Variants in PNPT1 observed in about 807,000 individuals in gnomAD.
PNPT1 encodes polyribonucleotide nucleotidyltransferase 1, also known as polyribonucleotide nucleotidyltransferase 1, mitochondrial.
A neutral mutation model predicts 119.5 loss-of-function variants in PNPT1; 53 were observed. The observed-to-expected ratio is 0.44, with a 90% CI of 0.36 to 0.56. PNPT1 has a LOEUF of 0.56. PNPT1 is among the 20% of genes least tolerant of loss of function. The pLI is 0.00. For synonymous variants in PNPT1, 357 were observed against 322.1 expected, an observed-to-expected ratio of 1.11 and a Z score of -1.16; for missense variants, 948 against 938.5, an observed-to-expected ratio of 1.01 and a Z score of -0.13.
intron 23 of PNPT1, among the ~76,000 whole-genome samples, chr2:55,644,194 A>G (rs17737937): frequency 0.084 from 12,827 of 152,276 alleles, 649 homozygotes; most frequent in South Asian, 0.14. Flanking sequence ...ACTCTCTTGC[A>G]GTAACCTCAA....
chr2:55,655,258 AT>A (rs1696349946), intron 17 of PNPT1, among the ~76,000 whole-genome samples: 1 of 152,114 alleles, frequency 6.6e-6, no homozygotes, highest in Non-Finnish European at 1.5e-5. Context: ...TTTTACTATT[AT>A]TTTTTGAGAT....
chr2:55,641,930 C>A (rs1695845841), intron 25 of PNPT1, among the ~76,000 whole-genome samples: 2 of 151,950 alleles, frequency 1.3e-5, no homozygotes, highest in South Asian at 4.1e-4. Flanking sequence ...CAACCTCTGC[C>A]TCCCGGCTTC....
chr2:55,659,572 C>A lies in PNPT1; in HGVS notation c.1284+585G>T, dbSNP rs925594882. On this transcript the variant is annotated intron_variant, in intron 15 of 27. Transcript: ENST00000447944. Reference sequence around the variant, plus strand: ...ATTGTCTGCTATACTTTAACTTTTACGTATGACTTAGAACAGGAAGTTGTT... The same window carrying A: ...ATTGTCTGCTATACTTTAACTTTTAAGTATGACTTAGAACAGGAAGTTGTT... 2.6e-5 allele frequency among the ~76,000 whole-genome samples: 4 copies of A among 151,600 alleles called. No homozygotes were observed. The South Asian group carries it at 8.3e-4, about 32-fold the overall frequency.
At chr2:55,693,122 C>T (rs1036620710) in intron 1 of PNPT1, among the ~76,000 whole-genome samples, 1 of 152,164 alleles carries the variant, frequency 6.6e-6, no homozygotes, top group African/African-American at 2.4e-5. Flanking sequence ...AATATTTCCA[C>T]AATGTCTGTG....
At chr2:55,643,058 G>C (rs1695882354) in intron 25 of PNPT1, 100 bp downstream of exon 25, 7 of 1,265,192 alleles carry the variant, frequency 5.5e-6, no homozygotes, top group East Asian at 2.4e-5. Context: ...AGGCAGCTGT[G>C]AGGTACAATG....
intron 8 of PNPT1, among the ~76,000 whole-genome samples, chr2:55,678,067 G>A (rs563225682): frequency 3.4e-4 from 52 of 152,246 alleles, no homozygotes; most frequent in Middle Eastern, 3.4e-3. Context: ...GATAATAGCA[G>A]GTATTAACTG....
At chr2:55,671,663 G>A (rs1458109799) in intron 10 of PNPT1, among the ~76,000 whole-genome samples, 1 of 152,120 alleles carries the variant, frequency 6.6e-6, no homozygotes, top group Non-Finnish European at 1.5e-5. Context: ...CAACATGGCC[G>A]TCTCTACTAA....
chr2:55,668,031 C>CA, intron 11 of PNPT1, 73 bp from the exon 12 acceptor site: 1 of 1,299,726 alleles, frequency 7.7e-7, no homozygotes, highest in Non-Finnish European at 1.1e-6. Context: ...AAGTTCATAG[C>CA]ATAATATCAA....
At position 55,635,659 on chromosome 2, in the gene PNPT1, C is replaced by G. The variant is rs1695648290; in HGVS notation, c.*578G>C. The G allele has an allele frequency of 7.2e-6, 1 of 138,052 alleles. No individual in the cohort carries two copies. The highest frequency in any genetic ancestry group is 2.6e-5 in the African/African-American group (1 of 38,296). The allele number at this position is 138,052 out of a possible 1,614,324, so 8.6% of individuals were successfully genotyped here. A position where few individuals can be genotyped will look rare whatever the true frequency, so the allele number is the denominator to read the frequency against. On this transcript the variant is annotated 3_prime_UTR_variant, in exon 28 of 28. Coordinates refer to ENST00000447944, the MANE Select transcript of PNPT1 (RefSeq NM_033109.5). ...GAATCTCATTTATATTTATTCCACT[C>G]TGTTTATGATTTGGTAACTAATTTG...
chr2:55,662,053 C>T, intron 13 of PNPT1, 27 bp from the exon 14 acceptor site: 1 of 1,503,422 alleles, frequency 6.7e-7, no homozygotes. Context: ...ATTCCTCAGG[C>T]TTTAATATAC....
chr2:55,676,926 A>G (rs17744287), intron 8 of PNPT1, among the ~76,000 whole-genome samples: 6,606 of 152,198 alleles, frequency 0.043, 184 homozygotes, highest in South Asian at 0.082. Context: ...AATAGTAGCA[A>G]TTACTTTTTT....
chr2:55,672,930 AT>A lies in PNPT1; in HGVS notation c.828del (p.Leu276PhefsTer9), dbSNP rs1559105059. On this transcript the variant is annotated frameshift_variant, in exon 9 of 28. Transcript: ENST00000447944. LOFTEE classifies it high-confidence loss of function. The part of the protein sequence containing the change: ...TGVTKRTPQK[L>X]FTPSPEIVKY... ...TTCACAATCTCTGGCGAAGGGGTAA[AT>A]AACTTCTGAGGTGTCCTCTTGGTAA... is the stretch of plus-strand genomic sequence containing the variant. 1 of 1,609,592 alleles carries A rather than the reference AT, an allele frequency of 6.2e-7. No homozygotes were observed. Among genetic ancestry groups the A allele is most frequent in the Admixed American group, 1.7e-5 (1 of 58,652 alleles).
intron 7 of PNPT1, 71 bp from the exon 8 acceptor site, chr2:55,679,866 G>C: frequency 9.9e-7 from 1 of 1,012,954 alleles, no homozygotes; most frequent in Non-Finnish European, 1.5e-6. Context: ...TTCCAGTCAT[G>C]GCTTCAACCC....
intron 26 of PNPT1, among the ~76,000 whole-genome samples, chr2:55,637,887 C>T (rs1229015078): frequency 2.0e-5 from 3 of 151,304 alleles, no homozygotes; most frequent in Non-Finnish European, 4.4e-5. Flanking sequence ...GTAGTCCCAG[C>T]TACTCAGGAG....
intron 21 of PNPT1, 67 bp downstream of exon 21, chr2:55,646,192 A>G: frequency 7.1e-7 from 1 of 1,409,172 alleles, no homozygotes; most frequent in Non-Finnish European, 9.8e-7. Flanking sequence ...AATAAGCCTA[A>G]TGAGAACTAT....
At chr2:55,656,830 A>C (rs910723640) in intron 15 of PNPT1, among the ~76,000 whole-genome samples, 1 of 152,228 alleles carries the variant, frequency 6.6e-6, no homozygotes, top group African/African-American at 2.4e-5. Context: ...GATATGAAAC[A>C]AAATACATGA....
At chr2:55,681,844 C>A (rs866114315) in intron 5 of PNPT1, among the ~76,000 whole-genome samples, 123 of 129,858 alleles carry the variant, frequency 9.5e-4, no homozygotes, top group South Asian at 1.5e-3. Flanking sequence ...AACTCCATTT[C>A]AAAAAAAAAA....
At chr2:55,641,008 G>C (rs1251932878) in intron 25 of PNPT1, among the ~76,000 whole-genome samples, 1 of 151,996 alleles carries the variant, frequency 6.6e-6, no homozygotes, top group South Asian at 2.1e-4. Flanking sequence ...AGCAGATCAC[G>C]AGGTCAAGAG....
intron 13 of PNPT1, among the ~76,000 whole-genome samples, chr2:55,665,786 T>C (rs1696713725): frequency 6.6e-6 from 1 of 152,178 alleles, no homozygotes; most frequent in Non-Finnish European, 1.5e-5. Flanking sequence ...AAAAAGTTAC[T>C]ACTTGGTGCC....
Sources: allele counts gnomAD v4.1 joint callset (sites outside exome capture counted in the v4.1 genomes callset), GRCh38; gene constraint gnomAD v4.1.1; transcripts MANE v1.5; gene names NCBI Gene and HGNC (gene_info 2026-07-23, HGNC 2026-07-21).